OR8G5: variants seen among roughly 807,000 people sequenced by gnomAD.
OR8G5 encodes the protein olfactory receptor family 8 subfamily G member 5.
For missense variants in OR8G5, 347 were observed against 371.9 expected (o/e 0.93, Z 0.55); for synonymous variants, 147 against 147.7 (o/e 1.00, Z 0.03).
Position 124,266,154 on chromosome 11 carries a change from C to G in OR8G5, c.*287C>G. 1 of 312,806 alleles carries G rather than the reference C, an allele frequency of 3.2e-6. No individual in the cohort carries two copies. The highest frequency in any genetic ancestry group is 5.9e-6 in the Non-Finnish European group (1 of 169,712). The allele number at this position is 312,806 out of a possible 1,614,324, so 19.4% of individuals were successfully genotyped here. A position where few individuals can be genotyped will look rare whatever the true frequency, so the allele number is the denominator to read the frequency against. On this transcript the variant is annotated 3_prime_UTR_variant, in exon 2 of 2. Transcript: ENST00000641992. ...CCAGTTACATTCCCTTCCCCCTTTTCTTTCATGTAATTGATTAAAACATAC... is the reference window on the plus strand; with the variant it reads ...CCAGTTACATTCCCTTCCCCCTTTTGTTTCATGTAATTGATTAAAACATAC...
Position 124,265,379 on chromosome 11 carries a change from G to A in OR8G5, c.448G>A (p.Val150Ile), listed in dbSNP as rs766777947. The change falls in exon 2 of 2, where the codon GTA becomes ATA. Residue 150 changes from valine (V) to isoleucine (I), a missense_variant. By Grantham distance (29) the Val-to-Ile change is conservative. Transcript: ENST00000641992. ...CTTTTCTCTGATTTTAGTGGTGTAT[G>A]TAATAGGCCTGATTTGTGCGTCAGC... ...ACFSLILVVY[V>I]IGLICASAHI... 10 of 1,613,888 alleles carry A rather than the reference G, an allele frequency of 6.2e-6. No individual in the cohort carries two copies. Among genetic ancestry groups the A allele is most frequent in the East Asian group, 2.2e-5 (1 of 44,900 alleles).
intron 1 of OR8G5, among the ~76,000 whole-genome samples, chr11:124,257,692 A>AATCTTTCCTGGTT (rs1341613405): frequency 6.6e-6 from 1 of 152,140 alleles, no homozygotes; most frequent in African/African-American, 2.4e-5. Context: ...TCTGGTGGTT[A>AATCTTTCCTGGTT]ATCTTTCCTG....
At chr11:124,261,790 A>T (rs1026075976) in intron 1 of OR8G5, among the ~76,000 whole-genome samples, 6 of 151,972 alleles carry the variant, frequency 3.9e-5, no homozygotes, top group African/African-American at 1.4e-4. Context: ...ATTATAAAGA[A>T]AATCTCAGCA....
intron 1 of OR8G5, among the ~76,000 whole-genome samples, chr11:124,263,423 G>A (rs1861993920): frequency 6.6e-6 from 1 of 151,758 alleles, no homozygotes; most frequent in East Asian, 1.9e-4. Flanking sequence ...ATGTGTACAT[G>A]TGCCATGTTG....
At chr11:124,260,575 C>T (rs1191562228) in intron 1 of OR8G5, among the ~76,000 whole-genome samples, 1 of 151,572 alleles carries the variant, frequency 6.6e-6, no homozygotes, top group Non-Finnish European at 1.5e-5. Context: ...GATGTTATAT[C>T]CAGCAATTGA....
In OR8G5 at chr11:124,265,008, C is replaced by T. The variant is rs1471961918; in HGVS notation, c.77C>T (p.Pro26Leu). 1.9e-6 allele frequency: 3 copies of T among 1,613,952 alleles called. No homozygotes were observed. The highest frequency in any genetic ancestry group is 2.5e-6 in the Non-Finnish European group (3 of 1,179,894). The change falls in exon 2 of 2, where the codon CCC becomes CTC. Residue 26 changes from proline to leucine, a missense_variant. By Grantham distance (98) the Pro-to-Leu change is moderately conservative. Coordinates refer to ENST00000641992, the MANE Select transcript of OR8G5 (RefSeq NM_001005198.2). Reference protein sequence around the residue: ...GLTEKSELQLPLFLVFLGIYV... With the variant: ...GLTEKSELQLLLFLVFLGIYV... Reference sequence around the variant, plus strand: ...ACAGAGAAGTCAGAGCTACAGCTGCCCCTCTTCCTCGTCTTCCTGGGAATC... The same window carrying T: ...ACAGAGAAGTCAGAGCTACAGCTGCTCCTCTTCCTCGTCTTCCTGGGAATC...
intron 1 of OR8G5, among the ~76,000 whole-genome samples, chr11:124,259,713 T>TA (rs1350264676): frequency 1.3e-5 from 2 of 152,122 alleles, no homozygotes; most frequent in Admixed American, 1.3e-4. Context: ...TATTGGGAAA[T>TA]ACCTGAATCA....
At chr11:124,259,404 G>A (rs552418770) in intron 1 of OR8G5, among the ~76,000 whole-genome samples, 1 of 152,252 alleles carries the variant, frequency 6.6e-6, no homozygotes, top group East Asian at 1.9e-4. Flanking sequence ...AGAGGGGGTA[G>A]CAATACTAGT....
At chr11:124,264,381 T>G (rs1862006289) in intron 1 of OR8G5, among the ~76,000 whole-genome samples, 1 of 152,210 alleles carries the variant, frequency 6.6e-6, no homozygotes, top group South Asian at 2.1e-4. Context: ...CAGATAGATA[T>G]TCACAATGAT....
chr11:124,263,729 A>T (rs543933876), intron 1 of OR8G5, among the ~76,000 whole-genome samples: 1 of 42,336 alleles, frequency 2.4e-5, no homozygotes, highest in African/African-American at 5.6e-5. Context: ...GAAGTTTTAT[A>T]GTTAGTTTTA....
In OR8G5 at chr11:124,265,267, T is replaced by G; in HGVS notation, c.336T>G (p.Cys112Trp). ...TCCTCGTTTTTGCTATTGCAGAGTG[T>G]CACATGTTGGCTGCAATGGCATATG... ...YFFLVFAIAE[C>W]HMLAAMAYDG... The change falls in exon 2 of 2, where the codon TGT becomes TGG. Residue 112 changes from cysteine to tryptophan, a missense_variant. By Grantham distance (215) the Cys-to-Trp change is radical. Coordinates refer to ENST00000641992, the MANE Select transcript of OR8G5 (RefSeq NM_001005198.2). 6.2e-7 allele frequency: 1 copy of G among 1,614,048 alleles called. No homozygotes were observed. The highest frequency in any genetic ancestry group is 8.5e-7 in the Non-Finnish European group (1 of 1,179,896).
intron 1 of OR8G5, among the ~76,000 whole-genome samples, chr11:124,258,796 C>T (rs929772198): frequency 6.6e-6 from 1 of 152,070 alleles, no homozygotes; most frequent in African/African-American, 2.4e-5. Flanking sequence ...AAGGACTAAA[C>T]ACCAGCACTT....
intron 1 of OR8G5, among the ~76,000 whole-genome samples, chr11:124,258,586 AT>A (rs1861934317): frequency 6.6e-6 from 1 of 151,430 alleles, no homozygotes; most frequent in Non-Finnish European, 1.5e-5. Context: ...AATAATAATA[AT>A]AATAAAAAAG....
At position 124,265,790 on chromosome 11, in the gene OR8G5, C is replaced by T; in HGVS notation, c.859C>T (p.Pro287Ser). The stretch of plus-strand genomic sequence containing the variant: ...TACTATTGTTGTGCCCATGCTGAAC[C>T]CCCTGATCTACAGCCTGAGGAATAA... Reference protein sequence around the residue: ...FYTIVVPMLNPLIYSLRNKDV... With the variant: ...FYTIVVPMLNSLIYSLRNKDV... Residue 287 changes from proline (P) to serine (S), a missense_variant, in exon 2 of 2, where the codon CCC becomes TCC. Physicochemically the swap from Pro to Ser is moderately conservative, Grantham distance 74 (BLOSUM62 -1). Coordinates refer to ENST00000641992, the MANE Select transcript of OR8G5 (RefSeq NM_001005198.2). 1 of 1,614,134 alleles carries T rather than the reference C, an allele frequency of 6.2e-7. No individual in the cohort carries two copies. Among genetic ancestry groups the T allele is most frequent in the Non-Finnish European group, 8.5e-7 (1 of 1,180,010 alleles).
intron 1 of OR8G5, among the ~76,000 whole-genome samples, chr11:124,263,650 A>C (rs995603190): frequency 1.3e-5 from 2 of 151,974 alleles, no homozygotes; most frequent in African/African-American, 4.8e-5. Flanking sequence ...TTTCCAGCTT[A>C]ATCCATGTTC....
intron 1 of OR8G5, 158 bp from the exon 2 acceptor site, chr11:124,264,760 A>G: frequency 2.4e-6 from 2 of 844,696 alleles, no homozygotes; most frequent in Non-Finnish European, 3.7e-6. Flanking sequence ...ACCAGTTACT[A>G]GAAAATAAAG....
In OR8G5 at chr11:124,265,124, A is replaced by C; in HGVS notation, c.193A>C (p.Ser65Arg). The C allele has an allele frequency of 6.2e-7, 1 of 1,614,168 alleles. No individual in the cohort carries two copies. Among genetic ancestry groups the C allele is most frequent in the South Asian group, 1.1e-5 (1 of 91,080 alleles). ...CACACCTATGTACTGTTTCCTCAGCAGTCTGTCCTTCATTGACTTCTGCCA... is the reference window on the plus strand; with the variant it reads ...CACACCTATGTACTGTTTCCTCAGCCGTCTGTCCTTCATTGACTTCTGCCA... ...LHTPMYCFLSSLSFIDFCHST... is the reference protein window; with the variant it reads ...LHTPMYCFLSRLSFIDFCHST... The change falls in exon 2 of 2, where the codon AGT becomes CGT. Residue 65 changes from serine (S) to arginine (R), a missense_variant. Ser to Arg is a moderately radical substitution (Grantham distance 110, BLOSUM62 -1). Transcript: ENST00000641992.
chr11:124,262,432 A>C (rs1861980752), intron 1 of OR8G5, among the ~76,000 whole-genome samples: 1 of 151,870 alleles, frequency 6.6e-6, no homozygotes, highest in Admixed American at 6.6e-5. Flanking sequence ...CTAAAAAGAA[A>C]GATAAAATCT....
intron 1 of OR8G5, among the ~76,000 whole-genome samples, chr11:124,261,068 T>G (rs1861966550): frequency 6.6e-6 from 1 of 151,888 alleles, no homozygotes; most frequent in Non-Finnish European, 1.5e-5. Context: ...AGTAAGAATA[T>G]AAAATATTTG....
Sources: allele counts gnomAD v4.1 joint callset (sites outside exome capture counted in the v4.1 genomes callset), GRCh38; gene constraint gnomAD v4.1.1; transcripts MANE v1.5; gene names NCBI Gene and HGNC (gene_info 2026-07-23, HGNC 2026-07-21).